WDR7: variants seen among roughly 807,000 people sequenced by gnomAD.
WDR7 encodes the protein WD repeat-containing protein 7.
In WDR7, 46 loss-of-function variants were observed where a neutral mutation model predicts 169.4. That is an observed-to-expected ratio of 0.27 (90% confidence interval 0.21 to 0.35). The LOEUF is 0.35. Among genes scored for constraint, WDR7 ranks in the 10% least tolerant of loss-of-function variants. The probability of loss-of-function intolerance (pLI) is 1.00; values close to 1 mark genes in which losing one functional copy is unlikely to be tolerated. For missense variants in WDR7, 1,534 were observed against 1,859.3 expected (o/e 0.83, Z 3.22); for synonymous variants, 612 against 666.8 (o/e 0.92, Z 1.27).
chr18:56,719,570 A>AACAAAC (rs1555681471), intron 13 of WDR7, among the ~76,000 whole-genome samples: 3 of 150,970 alleles, frequency 2.0e-5, no homozygotes, highest in African/African-American at 7.4e-5. Flanking sequence ...TCAAAAAAAA[A>AACAAAC]AAAAAAAAAC....
chr18:56,727,506 C>T (rs1451127554), intron 13 of WDR7, among the ~76,000 whole-genome samples: 1 of 152,126 alleles, frequency 6.6e-6, no homozygotes, highest in Non-Finnish European at 1.5e-5. Flanking sequence ...TGAAAGGCAC[C>T]TCTTCACAGG....
intron 25 of WDR7, among the ~76,000 whole-genome samples, chr18:56,940,082 T>TA (rs1568277428): frequency 6.6e-6 from 1 of 152,114 alleles, no homozygotes; most frequent in Non-Finnish European, 1.5e-5. Flanking sequence ...TACATCTTGT[T>TA]AAAAAAGGTT....
rs567503753 is a variant in WDR7 at position 56,735,205 on chromosome 18, A to G, written c.1989+3608A>G. 5.3e-5 allele frequency among the ~76,000 whole-genome samples: 8 copies of G among 152,244 alleles called. No individual in the cohort carries two copies. In the East Asian group the frequency reaches 1.5e-3, roughly 29 times the overall value. ...AGGATTAGGCCCTGGAAATGTGGAAAAGGGGATGGTTAGGAAGCTGTTGCA... is the reference window on the plus strand; with the variant it reads ...AGGATTAGGCCCTGGAAATGTGGAAGAGGGGATGGTTAGGAAGCTGTTGCA... On this transcript the variant is annotated intron_variant, in intron 14 of 27. Transcript: ENST00000254442.
intron 19 of WDR7, among the ~76,000 whole-genome samples, chr18:56,802,975 A>C (rs897550527): frequency 6.6e-6 from 1 of 151,550 alleles, no homozygotes; most frequent in African/African-American, 2.4e-5. Context: ...ATTTCTCTCT[A>C]TAAGTAACAT....
At chr18:56,916,291 C>T (rs955621309) in intron 21 of WDR7, among the ~76,000 whole-genome samples, 24 of 151,092 alleles carry the variant, frequency 1.6e-4, no homozygotes, top group African/African-American at 4.1e-4. Flanking sequence ...CGACAGGTCC[C>T]GGTGTGTGAT....
At chr18:56,768,572 C>A (rs1340732752) in intron 16 of WDR7, among the ~76,000 whole-genome samples, 1 of 152,086 alleles carries the variant, frequency 6.6e-6, no homozygotes, top group Non-Finnish European at 1.5e-5. Flanking sequence ...ACATAAATAA[C>A]CAATTTAGGG....
chr18:56,836,732 T>C (rs1433004060), intron 20 of WDR7, among the ~76,000 whole-genome samples: 1 of 152,244 alleles, frequency 6.6e-6, no homozygotes, highest in Non-Finnish European at 1.5e-5. Flanking sequence ...GTAATGATTT[T>C]CATTATTTGA....
chr18:56,702,393 A>G (rs2025853435), intron 12 of WDR7, among the ~76,000 whole-genome samples: 2 of 152,240 alleles, frequency 1.3e-5, no homozygotes, highest in Admixed American at 1.3e-4. Flanking sequence ...TACTGAGGGA[A>G]TAAAATTATT....
chr18:56,687,048 C>T, intron 7 of WDR7, 74 bp downstream of exon 7: 3 of 1,376,234 alleles, frequency 2.2e-6, no homozygotes, highest in Non-Finnish European at 3.0e-6. Context: ...TCCAAAGAAC[C>T]CTAAAGAAGT....
intron 1 of WDR7, among the ~76,000 whole-genome samples, chr18:56,654,419 C>T (rs1328040714): frequency 6.6e-6 from 1 of 152,196 alleles, no homozygotes; most frequent in South Asian, 2.1e-4. Flanking sequence ...CATGAGCCAG[C>T]GTGCCCTGCC....
At position 56,952,241 on chromosome 18, in the gene WDR7, G is replaced by A. The variant is rs151270464; in HGVS notation, c.4065-10189G>A. On this transcript the variant is annotated intron_variant, in intron 25 of 27. Transcript: ENST00000254442. ...CGAATTCCAGGTGGTGAGGGCTCCC[G>A]CCTTTGCCACACCCAGCTGTGCAGT... Among the ~76,000 whole-genome samples the A allele has an allele frequency of 1.2e-4, 19 of 152,284 alleles. 1 individual carries two copies. In the East Asian group the frequency reaches 3.3e-3, roughly 26 times the overall value.
chr18:56,973,554 T>TCCTA (rs2047522893), intron 26 of WDR7, among the ~76,000 whole-genome samples: 1 of 150,734 alleles, frequency 6.6e-6, no homozygotes, highest in Admixed American at 6.7e-5. Context: ...GATAGAAGAG[T>TCCTA]CCTAGTACAT....
At chr18:57,031,217 A>G (rs977388920), downstream of WDR7, 27 of 152,334 alleles carry the variant, frequency 1.8e-4, no homozygotes, top group African/African-American at 5.3e-4. Context: ...CATTCAGTTC[A>G]ATCCTTTGCA....
chr18:56,890,376 T>C (rs2046248454), intron 21 of WDR7, among the ~76,000 whole-genome samples: 1 of 152,154 alleles, frequency 6.6e-6, no homozygotes, highest in Non-Finnish European at 1.5e-5. Context: ...TTTTATTTAA[T>C]GAATAGGTTA....
In WDR7 at chr18:56,924,210, T is replaced by C. The variant is rs918322902; in HGVS notation, c.3713+102T>C. 11 of 1,306,880 alleles carry C rather than the reference T, an allele frequency of 8.4e-6. No individual in the cohort carries two copies. The African/African-American group carries it at 1.7e-4, about 20-fold the overall frequency. 81.0% of individuals were successfully genotyped at this position (1,306,880 alleles called of 1,614,324 possible). A position where few individuals can be genotyped will look rare whatever the true frequency, so the allele number is the denominator to read the frequency against. ...TTCTGTATAGATTGTGCATGTTTAATAGATAAAAAATACACAAATGTTTCA... is the reference window on the plus strand; with the variant it reads ...TTCTGTATAGATTGTGCATGTTTAACAGATAAAAAATACACAAATGTTTCA... On this transcript the variant is annotated intron_variant, in intron 22 of 27. Coordinates refer to ENST00000254442, the MANE Select transcript of WDR7 (RefSeq NM_015285.3).
At chr18:56,917,389 A>G (rs370911392) in intron 21 of WDR7, among the ~76,000 whole-genome samples, 1 of 152,194 alleles carries the variant, frequency 6.6e-6, no homozygotes, top group Non-Finnish European at 1.5e-5. Context: ...ATATGTAACT[A>G]TATTTCTTTA....
intron 21 of WDR7, among the ~76,000 whole-genome samples, chr18:56,905,296 G>T (rs1287835681): frequency 6.6e-6 from 1 of 152,052 alleles, no homozygotes; most frequent in Non-Finnish European, 1.5e-5. Flanking sequence ...CTACAGTTTT[G>T]CACCACCACA....
At chr18:56,806,369 T>TA (rs1208446583) in intron 19 of WDR7, among the ~76,000 whole-genome samples, 1 of 152,112 alleles carries the variant, frequency 6.6e-6, no homozygotes, top group Non-Finnish European at 1.5e-5. Flanking sequence ...GTACTGTCTT[T>TA]AAAAAAATAT....
At chr18:56,732,262 G>A (rs2026603040) in intron 14 of WDR7, among the ~76,000 whole-genome samples, 1 of 152,238 alleles carries the variant, frequency 6.6e-6, no homozygotes, top group South Asian at 2.1e-4. Flanking sequence ...TGTGGTATTT[G>A]TGTCATGTGG....
Sources: allele counts gnomAD v4.1 joint callset (sites outside exome capture counted in the v4.1 genomes callset), GRCh38; gene constraint gnomAD v4.1.1; transcripts MANE v1.5; gene names NCBI Gene and HGNC (gene_info 2026-07-23, HGNC 2026-07-21).